CABP1: variants seen among roughly 807,000 people sequenced by gnomAD.
CABP1 encodes the protein calcium binding protein 1, also known as calcium-binding protein 1.
In CABP1, 17 loss-of-function variants were observed where a neutral mutation model predicts 34.3. That is an observed-to-expected ratio of 0.50 (90% CI 0.34 to 0.74). The LOEUF (loss-of-function observed/expected upper bound fraction) is 0.74. CABP1 is among the 30% of genes least tolerant of loss of function. The pLI, the probability that CABP1 is intolerant of heterozygous loss-of-function variation, is 0.01. For missense variants in CABP1, 373 were observed against 511.1 expected (o/e 0.73, Z 2.61); for synonymous variants, 198 against 229.2 (o/e 0.86, Z 1.23).
downstream of CABP1, among the ~76,000 whole-genome samples, chr12:120,669,807 T>C (rs1039939460): frequency 2.6e-4 from 39 of 151,338 alleles, no homozygotes; most frequent in Non-Finnish European, 4.7e-4. Flanking sequence ...AAATGGAGAA[T>C]GTAGTCAGGC....
chr12:120,675,139 G>A, the CABP1 span, among the ~76,000 whole-genome samples: 1 of 149,002 alleles, frequency 6.7e-6, no homozygotes, highest in Admixed American at 6.7e-5. Flanking sequence ...TGCAGCCTCT[G>A]CTTCCTGGGT....
chr12:120,664,559 G>T (rs966598239), intron 5 of CABP1, among the ~76,000 whole-genome samples: 3 of 152,010 alleles, frequency 2.0e-5, no homozygotes, highest in African/African-American at 7.2e-5. Flanking sequence ...CCAGACAATG[G>T]GATATTGCTC....
In CABP1 at chr12:120,640,642, C is replaced by G; in HGVS notation, c.-44C>G. 8.7e-7 allele frequency: 1 copy of G among 1,144,748 alleles called. No individual in the cohort carries two copies. The highest frequency in any genetic ancestry group is 1.1e-6 in the Non-Finnish European group (1 of 932,180). 70.9% of individuals were successfully genotyped at this position (1,144,748 alleles called of 1,614,324 possible). A position where few individuals can be genotyped will look rare whatever the true frequency, so the allele number is the denominator to read the frequency against. On this transcript the variant is annotated 5_prime_UTR_variant, in exon 1 of 6. Transcript: ENST00000316803. The surrounding 1 kb of genome is among the most constrained non-coding windows in gnomAD (Gnocchi z 6.2). Reference sequence around the variant, plus strand: ...AGCGCCCCCAGATCTGCACCGCCAGCCGCCGGGAGCTCCGGGCTCCGGGCG... The same window carrying G: ...AGCGCCCCCAGATCTGCACCGCCAGGCGCCGGGAGCTCCGGGCTCCGGGCG...
At chr12:120,657,751 C>T (rs539792981) in intron 1 of CABP1, among the ~76,000 whole-genome samples, 2 of 152,178 alleles carry the variant, frequency 1.3e-5, no homozygotes, top group Non-Finnish European at 1.5e-5. Flanking sequence ...GGCTTTGCTG[C>T]CCCCGGGGCT....
intron 1 of CABP1, among the ~76,000 whole-genome samples, chr12:120,648,316 T>TTA (rs1237062185): frequency 6.6e-6 from 1 of 152,188 alleles, no homozygotes; most frequent in Non-Finnish European, 1.5e-5. Context: ...CCAGCTCTAA[T>TTA]ATCTCCTGCC....
intron 1 of CABP1, among the ~76,000 whole-genome samples, chr12:120,642,488 A>G (rs2137324886): frequency 6.6e-6 from 1 of 152,290 alleles, no homozygotes; most frequent in East Asian, 1.9e-4. Context: ...GCAGCCGCAC[A>G]TGGATTTGGG....
chr12:120,659,819 G>A (rs529584), intron 1 of CABP1, 59 bp from the exon 2 acceptor site: 1,384,828 of 1,570,340 alleles, frequency 0.88, 611,702 homozygotes, highest in Middle Eastern at 0.99. Context: ...CCCAGGTTAG[G>A]TATTTTGTGA....
At chr12:120,656,817 C>A (rs1880254835) in intron 1 of CABP1, among the ~76,000 whole-genome samples, 1 of 152,182 alleles carries the variant, frequency 6.6e-6, no homozygotes, top group African/African-American at 2.4e-5. Flanking sequence ...ATCGCTTGAA[C>A]CCAGGAGGCA....
At chr12:120,650,605 C>A in intron 1 of CABP1, 2 of 1,613,660 alleles carry the variant, frequency 1.2e-6, no homozygotes, top group Non-Finnish European at 1.7e-6. Flanking sequence ...TTCATGGACC[C>A]GGGGATCCCA....
intron 1 of CABP1, among the ~76,000 whole-genome samples, chr12:120,642,398 G>A (rs1879377185): frequency 6.6e-6 from 1 of 152,222 alleles, no homozygotes; most frequent in Non-Finnish European, 1.5e-5. Context: ...GAGGCCCTGT[G>A]TGTTTTGCTT....
In CABP1 at chr12:120,647,653, C is replaced by T. The variant is rs111341833; in HGVS notation, c.654+6314C>T. Among the ~76,000 whole-genome samples the T allele has an allele frequency of 4.5e-3, 679 of 151,056 alleles. 4 individuals carry two copies. Among genetic ancestry groups the T allele is most frequent in the Middle Eastern group, 6.9e-3 (2 of 290 alleles). Reference sequence around the variant, plus strand: ...CGCGATCTCGACTCACTGCAATCTCCGCCTCCCGGGTTCAAGGGATTCTCT... The same window carrying T: ...CGCGATCTCGACTCACTGCAATCTCTGCCTCCCGGGTTCAAGGGATTCTCT... On this transcript the variant is annotated intron_variant, in intron 1 of 5. Coordinates refer to ENST00000316803, the MANE Select transcript of CABP1 (RefSeq NM_001033677.2).
downstream of CABP1, among the ~76,000 whole-genome samples, chr12:120,671,592 G>T (rs1185244368): frequency 6.6e-6 from 1 of 152,184 alleles, no homozygotes; most frequent in Non-Finnish European, 1.5e-5. Context: ...GCTCAGATGG[G>T]AACTCTGAGG....
intron 1 of CABP1, among the ~76,000 whole-genome samples, chr12:120,651,175 G>A (rs1397121524): frequency 3.1e-5 from 2 of 64,374 alleles, no homozygotes; most frequent in African/African-American, 2.2e-4. Context: ...CTACTGAAAG[G>A]AACCAAACAA....
At chr12:120,678,839 A>AG in the CABP1 span, among the ~76,000 whole-genome samples, 42 of 151,726 alleles carry the variant, frequency 2.8e-4, no homozygotes, top group South Asian at 1.5e-3. Flanking sequence ...TGGGATGCTG[A>AG]GGGGGGGGCA....
chr12:120,660,759 C>T lies in CABP1; in HGVS notation c.858C>T (p.Phe286=). 1 of 1,613,694 alleles carries T rather than the reference C, an allele frequency of 6.2e-7. No individual in the cohort carries two copies. Among genetic ancestry groups the T allele is most frequent in the Non-Finnish European group, 8.5e-7 (1 of 1,179,704 alleles). Residue 286 remains phenylalanine (F), a synonymous_variant, in exon 4 of 6, where the codon TTC becomes TTT. Transcript: ENST00000316803. This position sits in a 1 kb window ranked among gnomAD's most constrained non-coding sequence, Gnocchi z 5.0. ...NLGGHVDFDD[F]VELMGPKLLA... ...GTGGCCATGTAGATTTTGATGACTT[C>T]GTGGAGCTAATGGGGCCTAAACTCC...
intron 1 of CABP1, among the ~76,000 whole-genome samples, chr12:120,643,339 G>A (rs1048540820): frequency 2.0e-5 from 3 of 152,168 alleles, no homozygotes; most frequent in East Asian, 3.8e-4. Context: ...TGGGACTTTC[G>A]TGTCAGAGCC....
chr12:120,656,733 T>C (rs1438097899), intron 1 of CABP1, among the ~76,000 whole-genome samples: 2 of 151,958 alleles, frequency 1.3e-5, no homozygotes, highest in African/African-American at 4.8e-5. Flanking sequence ...CCATCTCTAC[T>C]AAAATACAAA....
rs1345490346 is a variant in CABP1, at chr12:120,641,108, G to T, written c.423G>T (p.Ala141=). ...ARGSQRVLPQ[A]HCRPREALPA... The stretch of plus-strand genomic sequence containing the variant: ...GGAGCCAGCGTGTGCTCCCCCAGGC[G>T]CACTGCAGGCCCCGGGAGGCGCTGC... The change falls in exon 1 of 6, where the codon GCG becomes GCT. Residue 141 remains alanine (A), a synonymous_variant. Transcript: ENST00000316803. The surrounding 1 kb of genome is among the most constrained non-coding windows in gnomAD (Gnocchi z 6.7). The T allele has an allele frequency of 8.2e-6, 10 of 1,219,492 alleles. No homozygotes were observed. The highest frequency in any genetic ancestry group is 7.9e-5 in the African/African-American group (5 of 63,394). The allele number at this position is 1,219,492 out of a possible 1,614,324, so 75.5% of individuals were successfully genotyped here. A position where few individuals can be genotyped will look rare whatever the true frequency, so the allele number is the denominator to read the frequency against.
chr12:120,674,616 G>A, the CABP1 span, among the ~76,000 whole-genome samples: 1 of 152,090 alleles, frequency 6.6e-6, no homozygotes, highest in East Asian at 1.9e-4. Context: ...TTGGCAGGGC[G>A]GGGTAGCCAT....
Sources: gnomAD v4.1 joint callset for allele counts (sites outside exome capture counted in the v4.1 genomes callset) on GRCh38, gnomAD v4.1.1 for gene constraint, Gnocchi (gnomAD v3.1) non-coding constraint, MANE v1.5 for transcripts, NCBI Gene and HGNC (gene_info 2026-07-23, HGNC 2026-07-21) for gene names.